Variants in ESRP1 observed in about 807,000 individuals in gnomAD.
The protein encoded by ESRP1 is epithelial splicing regulatory protein 1.
In ESRP1, 33 loss-of-function variants were observed where a neutral mutation model predicts 81.7. The observed-to-expected ratio is 0.40, with a 90% CI of 0.31 to 0.54. The LOEUF (loss-of-function observed/expected upper bound fraction) is 0.54. Ranked by LOEUF, ESRP1 falls within the 20% of genes least tolerant of loss-of-function variation. ESRP1 has a pLI of 0.41. For missense variants in ESRP1, 672 were observed against 833.1 expected (o/e 0.81, Z 2.38); for synonymous variants, 320 against 303.3 (o/e 1.06, Z -0.57).
chr8:94,667,623 G>A (rs555518955), intron 9 of ESRP1, among the ~76,000 whole-genome samples: 47 of 152,124 alleles, frequency 3.1e-4, no homozygotes, highest in Admixed American at 1.2e-3. Flanking sequence ...CTAAGATTAT[G>A]CCCTAGTAAG....
chr8:94,678,922 G>A (rs189313887), intron 13 of ESRP1, among the ~76,000 whole-genome samples: 23 of 152,270 alleles, frequency 1.5e-4, no homozygotes, highest in Admixed American at 1.4e-3. Flanking sequence ...CTCGGACATA[G>A]CATACTAGCA....
chr8:94,675,035 A>C (rs1375360449), intron 12 of ESRP1, among the ~76,000 whole-genome samples: 8 of 152,348 alleles, frequency 5.3e-5, no homozygotes, highest in African/African-American at 1.9e-4. Flanking sequence ...AAAACAAAAA[A>C]AACCACATAG....
In ESRP1 at chr8:94,662,291, T is replaced by C. The variant is rs1433226566; in HGVS notation, c.510T>C (p.Ser170=). 1 of 1,574,084 alleles carries C rather than the reference T, an allele frequency of 6.4e-7. No individual in the cohort carries two copies. Among genetic ancestry groups the C allele is most frequent in the East Asian group, 2.3e-5 (1 of 44,334 alleles). The change falls in exon 5 of 16, where the codon AGT becomes AGC. Residue 170 remains serine, a synonymous_variant. Transcript: ENST00000433389. ...TCACAGATTTAAATTTTGAGAAGAG[T>C]AGTTCAGTCTCTCGATATGGAGCCT... ...TMTEYLNFEK[S]SSVSRYGASQ...
At chr8:94,641,550 C>T in intron 1 of ESRP1, 100 bp downstream of exon 1, 1 of 1,518,686 alleles carries the variant, frequency 6.6e-7, no homozygotes, top group East Asian at 2.3e-5. Flanking sequence ...AATAAGTGCT[C>T]TTGTTTGCCC....
intron 13 of ESRP1, among the ~76,000 whole-genome samples, chr8:94,683,856 G>C (rs1809025476): frequency 6.6e-6 from 1 of 152,210 alleles, no homozygotes; most frequent in Non-Finnish European, 1.5e-5. Context: ...TGAGAGTTCA[G>C]AATGGCTTTC....
chr8:94,683,249 A>ATATGTATATT (rs908946915), intron 13 of ESRP1, among the ~76,000 whole-genome samples: 1 of 151,974 alleles, frequency 6.6e-6, no homozygotes, highest in African/African-American at 2.4e-5. Flanking sequence ...CGGCCTATGA[A>ATATGTATATT]TATGTATATT....
At chr8:94,696,652 T>C (rs1809616716) in intron 14 of ESRP1, among the ~76,000 whole-genome samples, 200 bp from the exon 15 acceptor site, 1 of 152,222 alleles carries the variant, frequency 6.6e-6, no homozygotes, top group South Asian at 2.1e-4. Flanking sequence ...ATGTCCATCC[T>C]AGAAGGGACT....
rs140481974 is a variant in ESRP1, at chr8:94,667,052, A to G, written c.932-897A>G. On this transcript the variant is annotated intron_variant, in intron 9 of 15. Transcript: ENST00000433389. The stretch of plus-strand genomic sequence containing the variant: ...ACCCCATCTCTACTAATAATACACA[A>G]ATTAGCCAGGAGAGGGGTGTGTGTG... Among the ~76,000 whole-genome samples the G allele has an allele frequency of 1.3e-3, 127 of 98,790 alleles. 1 individual carries two copies. Among genetic ancestry groups the G allele is most frequent in the African/African-American group, 4.8e-3 (105 of 21,654 alleles). The allele number at this position is 98,790 out of a possible 152,430, so 64.8% of individuals were successfully genotyped here. A position where few individuals can be genotyped will look rare whatever the true frequency, so the allele number is the denominator to read the frequency against.
At chr8:94,667,493 A>G (rs1439085676) in intron 9 of ESRP1, among the ~76,000 whole-genome samples, 1 of 151,938 alleles carries the variant, frequency 6.6e-6, no homozygotes, top group East Asian at 1.9e-4. Context: ...GCAAAAGAGT[A>G]ATCAGGAAAA....
intron 13 of ESRP1, among the ~76,000 whole-genome samples, chr8:94,680,623 C>A (rs1251541880): frequency 6.6e-6 from 1 of 151,912 alleles, no homozygotes; most frequent in African/African-American, 2.4e-5. Flanking sequence ...GAAGGGGTTT[C>A]TCCATGTTGG....
chr8:94,686,816 A>G (rs928211042), intron 13 of ESRP1, among the ~76,000 whole-genome samples: 2 of 152,230 alleles, frequency 1.3e-5, no homozygotes, highest in African/African-American at 4.8e-5. Context: ...ACTTCAGATG[A>G]GTTACTAATT....
chr8:94,683,933 C>T (rs1474143456), intron 13 of ESRP1, among the ~76,000 whole-genome samples: 1 of 152,118 alleles, frequency 6.6e-6, no homozygotes, highest in Non-Finnish European at 1.5e-5. Flanking sequence ...CCACAACCTC[C>T]GCCTCCCAGG....
intron 4 of ESRP1, among the ~76,000 whole-genome samples, chr8:94,660,709 CAAAAAAAAAAAAAAAAAAA>C (rs60316449): frequency 1.4e-4 from 6 of 43,542 alleles, no homozygotes; most frequent in South Asian, 1.3e-3. Flanking sequence ...GAGACTATCT[CAAAAAAAAAAAAAAAAAAA>C]AAAAAAAAAA....
At chr8:94,683,409 C>T (rs1238473590) in intron 13 of ESRP1, among the ~76,000 whole-genome samples, 1 of 152,056 alleles carries the variant, frequency 6.6e-6, no homozygotes, top group Non-Finnish European at 1.5e-5. Flanking sequence ...CTTCTTATTC[C>T]AGTTTACTTT....
At chr8:94,674,204 A>G (rs1266178514) in intron 11 of ESRP1, 104 bp from the exon 12 acceptor site, 3 of 1,277,558 alleles carry the variant, frequency 2.3e-6, no homozygotes, top group African/African-American at 3.0e-5. Flanking sequence ...TGGCTAAAAT[A>G]TCTGTATTAT....
chr8:94,692,416 C>A (rs545837509), intron 13 of ESRP1, among the ~76,000 whole-genome samples: 1 of 152,180 alleles, frequency 6.6e-6, no homozygotes, highest in South Asian at 2.1e-4. Context: ...TTACTTCTGT[C>A]CTTCTCTTAA....
At chr8:94,646,070 G>T in intron 3 of ESRP1, 98 bp from the exon 4 acceptor site, 3 of 615,816 alleles carry the variant, frequency 4.9e-6, no homozygotes, top group East Asian at 3.0e-5. Context: ...TTTTTCCATT[G>T]TAAAATATGC....
chr8:94,641,805 G>T (rs1412928939), intron 1 of ESRP1, 151 bp from the exon 2 acceptor site: 4 of 1,248,734 alleles, frequency 3.2e-6, no homozygotes, highest in East Asian at 5.4e-5. Context: ...GGGCAGGAAC[G>T]CACCGGAACC....
rs889273624 is a variant in ESRP1 at position 94,671,718 on chromosome 8, A to G, written c.1452+47A>G. 9.3e-6 allele frequency: 12 copies of G among 1,288,598 alleles called. No homozygotes were observed. The Middle Eastern group carries it at 9.4e-4, about 101-fold the overall frequency. 79.8% of individuals were successfully genotyped at this position (1,288,598 alleles called of 1,614,324 possible). ...AAACTTATTTGCTTTTTCTCACTAC[A>G]TATGAGAAATATCTAATATTAGATA... is the stretch of plus-strand genomic sequence containing the variant. On this transcript the variant is annotated intron_variant, in intron 11 of 15. Transcript: ENST00000433389.
Sources: allele counts gnomAD v4.1 joint callset (sites outside exome capture counted in the v4.1 genomes callset), GRCh38; gene constraint gnomAD v4.1.1; transcripts MANE v1.5; gene names NCBI Gene and HGNC (gene_info 2026-07-23, HGNC 2026-07-21).